Variants in AGBL4 observed in about 807,000 individuals in gnomAD.
AGBL4 encodes AGBL carboxypeptidase 4.
Under a neutral mutation model 66.4 loss-of-function variants are expected in AGBL4, and 58 were observed. The ratio of observed to expected loss-of-function variants is 0.87; its 90% confidence interval spans 0.71 to 1.09. AGBL4 has a LOEUF of 1.09. AGBL4 is among the 50% of genes least tolerant of loss of function. AGBL4 has a pLI of 0.00. For synonymous variants in AGBL4, 234 were observed against 222.9 expected (o/e 1.05, Z -0.44); for missense variants, 579 against 631.0 (o/e 0.92, Z 0.88).
intron 12 of AGBL4, among the ~76,000 whole-genome samples, chr1:48,535,478 A>G (rs565963138): frequency 2.0e-5 from 3 of 152,232 alleles, no homozygotes; most frequent in East Asian, 1.9e-4. Flanking sequence ...CTTTTTCTCT[A>G]TAATTCCTGA....
intron 13 of AGBL4, 71 bp downstream of exon 13, chr1:48,534,819 T>C: frequency 6.9e-7 from 1 of 1,446,230 alleles, no homozygotes; most frequent in Non-Finnish European, 9.5e-7. Flanking sequence ...CCAGAATAGG[T>C]GAGATACAGC....
chr1:49,814,610 A>C (rs1364005562), intron 2 of AGBL4, among the ~76,000 whole-genome samples: 1 of 152,132 alleles, frequency 6.6e-6, no homozygotes, highest in Non-Finnish European at 1.5e-5. Flanking sequence ...CTGCATCTTC[A>C]ACTAGGTTTC....
At chr1:49,617,986 T>C (rs1645281449) in intron 3 of AGBL4, among the ~76,000 whole-genome samples, 3 of 152,206 alleles carry the variant, frequency 2.0e-5, no homozygotes, top group Admixed American at 2.0e-4. Flanking sequence ...GAATTTCTCC[T>C]AATGCTATCC....
chr1:49,082,947 G>A (rs1280460170), intron 4 of AGBL4, among the ~76,000 whole-genome samples: 1 of 152,214 alleles, frequency 6.6e-6, no homozygotes, highest in Non-Finnish European at 1.5e-5. Flanking sequence ...AGAGGCTGCA[G>A]GCCCCATGCA....
At chr1:49,183,254 A>T (rs1557707716) in intron 4 of AGBL4, among the ~76,000 whole-genome samples, 1 of 152,174 alleles carries the variant, frequency 6.6e-6, no homozygotes, top group Non-Finnish European at 1.5e-5. Context: ...ACATGTGTAT[A>T]TTAAAAACTG....
At chr1:48,982,347 C>G (rs1297525262) in intron 5 of AGBL4, among the ~76,000 whole-genome samples, 1 of 152,006 alleles carries the variant, frequency 6.6e-6, no homozygotes, top group Non-Finnish European at 1.5e-5. Context: ...CCCTCCCACT[C>G]CCCCCACCCC....
chr1:49,082,778 TA>T (rs1644830473), intron 4 of AGBL4, among the ~76,000 whole-genome samples: 1 of 152,056 alleles, frequency 6.6e-6, no homozygotes, highest in African/African-American at 2.4e-5. Context: ...AACACTAACT[TA>T]AAAGTCCATA....
chr1:49,888,696 T>A (rs1363376976), intron 1 of AGBL4, among the ~76,000 whole-genome samples: 1 of 151,996 alleles, frequency 6.6e-6, no homozygotes, highest in Non-Finnish European at 1.5e-5. Flanking sequence ...GATGAAAAAA[T>A]AAATATCTAA....
chr1:48,724,078 G>A (rs572220066), intron 6 of AGBL4, among the ~76,000 whole-genome samples: 70 of 152,200 alleles, frequency 4.6e-4, no homozygotes, highest in Non-Finnish European at 5.3e-4. Context: ...ACTGCATACG[G>A]GGTCAGCAGG....
At position 49,211,724 on chromosome 1, in the gene AGBL4, T is replaced by C. The variant is rs1195982405; in HGVS notation, c.377+34046A>G. Reference sequence around the variant, plus strand: ...GTAGGTAGTTAACTACTCTGCAATTTAATAACTCTTATTATAATAGAGGTA... The same window carrying C: ...GTAGGTAGTTAACTACTCTGCAATTCAATAACTCTTATTATAATAGAGGTA... On this transcript the variant is annotated intron_variant, in intron 4 of 13. Transcript: ENST00000371839. Among the ~76,000 whole-genome samples, 18 of 152,250 alleles carry C rather than the reference T, an allele frequency of 1.2e-4. No individual in the cohort carries two copies. The East Asian group carries it at 3.5e-3, about 29-fold the overall frequency.
chr1:49,079,966 G>C (rs1644779749), intron 4 of AGBL4, among the ~76,000 whole-genome samples: 1 of 152,142 alleles, frequency 6.6e-6, no homozygotes, highest in Admixed American at 6.6e-5. Context: ...GAAAAAAGAA[G>C]GGAAGAGAAG....
intron 6 of AGBL4, among the ~76,000 whole-genome samples, chr1:48,737,298 A>C (rs980271231): frequency 6.6e-6 from 1 of 152,188 alleles, no homozygotes; most frequent in Non-Finnish European, 1.5e-5. Context: ...AGAAAAAAGA[A>C]AAAAAGAAAA....
chr1:48,853,777 C>T (rs1362326323), intron 6 of AGBL4, among the ~76,000 whole-genome samples: 5 of 152,142 alleles, frequency 3.3e-5, no homozygotes, highest in African/African-American at 1.2e-4. Context: ...TATAATTGCA[C>T]TGCTTCAGGT....
chr1:48,557,492 G>A (rs1299863916), intron 11 of AGBL4, among the ~76,000 whole-genome samples: 3 of 152,142 alleles, frequency 2.0e-5, no homozygotes, highest in Admixed American at 1.3e-4. Flanking sequence ...CAGGACCCTG[G>A]AAAAGTGATG....
At chr1:49,570,650 T>C (rs770222752) in intron 3 of AGBL4, among the ~76,000 whole-genome samples, 83 of 152,022 alleles carry the variant, frequency 5.5e-4, no homozygotes, top group Non-Finnish European at 1.1e-3. Flanking sequence ...CTTAGTCATA[T>C]ATTGTTTGCC....
chr1:48,733,244 C>T (rs1162648893), intron 6 of AGBL4, among the ~76,000 whole-genome samples: 1 of 152,018 alleles, frequency 6.6e-6, no homozygotes, highest in Non-Finnish European at 1.5e-5. Flanking sequence ...GGGAAGGAAC[C>T]AGTAGTAGAG....
chr1:49,945,957 C>CA (rs1047405335), intron 1 of AGBL4, among the ~76,000 whole-genome samples: 1 of 151,852 alleles, frequency 6.6e-6, no homozygotes, highest in Non-Finnish European at 1.5e-5. Context: ...TTGAAAAAGA[C>CA]AAAGAGAGAC....
At chr1:49,673,054 AAAGAAAGT>A (rs1646512483) in intron 3 of AGBL4, among the ~76,000 whole-genome samples, 1 of 152,132 alleles carries the variant, frequency 6.6e-6, no homozygotes, top group Admixed American at 6.5e-5. Context: ...CAGAATATGA[AAAGAAAGT>A]AAGAAAGTAA....
chr1:48,752,328 C>A (rs184741483), intron 6 of AGBL4, among the ~76,000 whole-genome samples: 2 of 152,280 alleles, frequency 1.3e-5, no homozygotes, highest in East Asian at 3.9e-4. Context: ...TGAGCCACAA[C>A]TAGTGATGTC....
Sources: allele counts gnomAD v4.1 joint callset (sites outside exome capture counted in the v4.1 genomes callset), GRCh38; gene constraint gnomAD v4.1.1; transcripts MANE v1.5; gene names NCBI Gene and HGNC (gene_info 2026-07-23, HGNC 2026-07-21).